PLBD1: variants seen among roughly 807,000 people sequenced by gnomAD.
PLBD1 encodes the protein phospholipase B domain containing 1, also known as lysosomal leucine aminopeptidase.
PLBD1 carries 60 observed loss-of-function variants against 63.0 expected under a neutral mutation model. That is an observed-to-expected ratio of 0.95 (90% CI 0.77 to 1.18). The LOEUF (loss-of-function observed/expected upper bound fraction) is 1.18. PLBD1 is among the 50% of genes most tolerant of loss of function. The probability of loss-of-function intolerance (pLI) is 0.00; values close to 1 mark genes in which losing one functional copy is unlikely to be tolerated. For synonymous variants in PLBD1, 262 were observed against 248.0 expected, an observed-to-expected ratio of 1.06 and a Z score of -0.53; for missense variants, 598 against 677.9, an observed-to-expected ratio of 0.88 and a Z score of 1.31.
chr12:14,516,882 T>C (rs1406624008), intron 6 of PLBD1, among the ~76,000 whole-genome samples: 2 of 151,846 alleles, frequency 1.3e-5, no homozygotes, highest in African/African-American at 4.8e-5. Flanking sequence ...CTACTAAAAA[T>C]ACAAAAATTA....
At position 14,536,801 on chromosome 12, in the gene PLBD1, C is replaced by T. The variant is rs1592002983; in HGVS notation, c.559-91G>A. On this transcript the variant is annotated intron_variant, in intron 4 of 10. Transcript: ENST00000240617. Reference sequence around the variant, plus strand: ...TGTTAGGGACCCATTAAATTATTCCCTTGCAGGCTGTGCATGGTGGCTCAC... The same window carrying T: ...TGTTAGGGACCCATTAAATTATTCCTTTGCAGGCTGTGCATGGTGGCTCAC... The T allele has an allele frequency of 1.3e-5, 20 of 1,513,264 alleles. No individual in the cohort carries two copies. The East Asian group carries it at 4.1e-4, about 31-fold the overall frequency. The allele number at this position is 1,513,264 out of a possible 1,614,324, so 93.7% of individuals were successfully genotyped here.
Position 14,553,224 on chromosome 12 carries a change from C to A in PLBD1, c.304G>T (p.Ala102Ser), listed in dbSNP as rs2136931195. The A allele has an allele frequency of 6.2e-7, 1 of 1,613,506 alleles. No individual in the cohort carries two copies. Among genetic ancestry groups the A allele is most frequent in the Non-Finnish European group, 8.5e-7 (1 of 1,179,850 alleles). ...GTGAGGTAACCCTCCAAAAAGCCAG[C>A]CACAAACATGATGATCTCATTGCTC... ...TLSNEIIMFV[A>S]GFLEGYLTAP... Residue 102 changes from alanine (A) to serine (S), a missense_variant, in exon 2 of 11, where the codon GCT becomes TCT. By Grantham distance (99) the Ala-to-Ser change is moderately conservative. Transcript: ENST00000240617.
At chr12:14,532,659 C>T (rs1231449175) in intron 6 of PLBD1, among the ~76,000 whole-genome samples, 6 of 152,300 alleles carry the variant, frequency 3.9e-5, no homozygotes, top group East Asian at 1.9e-4. Flanking sequence ...TGAACCCATG[C>T]GTGGGCAGGA....
chr12:14,566,814 T>C lies in PLBD1; in HGVS notation c.115+768A>G, dbSNP rs370402091. Among the ~76,000 whole-genome samples, 82 of 136,292 alleles carry C rather than the reference T, an allele frequency of 6.0e-4. 1 individual carries two copies. Among genetic ancestry groups the C allele is most frequent in the African/African-American group, 2.0e-3 (75 of 37,136 alleles). The allele number at this position is 136,292 out of a possible 152,430, so 89.4% of individuals were successfully genotyped here. Reference sequence around the variant, plus strand: ...TATATTAAAAAAAAAAAAAAAAAACTGCCGGGCGCGGTGGCTCATGCCTGT... The same window carrying C: ...TATATTAAAAAAAAAAAAAAAAAACCGCCGGGCGCGGTGGCTCATGCCTGT... On this transcript the variant is annotated intron_variant, in intron 1 of 10. Transcript: ENST00000240617.
At position 14,525,682 on chromosome 12, in the gene PLBD1, A is replaced by AACACACACAC. The variant is rs57722328; in HGVS notation, c.844+9967_844+9976dup. 4.8e-3 allele frequency among the ~76,000 whole-genome samples: 715 copies of AACACACACAC among 149,226 alleles called. 3 individuals carry two copies. The highest frequency in any genetic ancestry group is 0.017 in the African/African-American group (691 of 40,528). Reference sequence around the variant, plus strand: ...TAATATACTTAACAGCTTACTTCTCAACACACACACACACACACACACACA... The same window carrying AACACACACAC: ...TAATATACTTAACAGCTTACTTCTCAACACACACACACACACACACACACACACACACACA... On this transcript the variant is annotated intron_variant, in intron 6 of 10. Transcript: ENST00000240617.
chr12:14,543,873 C>A (rs568694456), intron 2 of PLBD1, among the ~76,000 whole-genome samples: 1 of 152,068 alleles, frequency 6.6e-6, no homozygotes, highest in Non-Finnish European at 1.5e-5. Context: ...GTTTAATAGA[C>A]GTCTTTGGGT....
intron 8 of PLBD1, 40 bp from the exon 9 acceptor site, chr12:14,507,158 G>GGGAA: frequency 2.1e-6 from 3 of 1,454,378 alleles, no homozygotes; most frequent in Non-Finnish European, 2.9e-6. Flanking sequence ...GGGATTGACA[G>GGGAA]GGAAGGAGAC....
intron 6 of PLBD1, among the ~76,000 whole-genome samples, chr12:14,523,929 A>G (rs1443680826): frequency 6.6e-6 from 1 of 152,212 alleles, no homozygotes; most frequent in East Asian, 1.9e-4. Context: ...AGATGAATGG[A>G]TAAAGAAAAT....
chr12:14,539,012 C>T (rs1010559186), intron 4 of PLBD1, among the ~76,000 whole-genome samples: 1 of 151,858 alleles, frequency 6.6e-6, no homozygotes, highest in African/African-American at 2.4e-5. Flanking sequence ...TATCGCGAGG[C>T]TCTGTCTCTA....
chr12:14,540,112 A>T (rs1235016191), intron 4 of PLBD1, among the ~76,000 whole-genome samples: 2 of 128,870 alleles, frequency 1.6e-5, no homozygotes, highest in African/African-American at 5.6e-5. Context: ...AATATTATTT[A>T]TATATATATA....
chr12:14,559,700 A>G (rs1325354378), intron 1 of PLBD1, among the ~76,000 whole-genome samples: 1 of 152,198 alleles, frequency 6.6e-6, no homozygotes, highest in Admixed American at 6.5e-5. Context: ...ATATCTGTTG[A>G]ATGAATGGGA....
chr12:14,542,294 GA>G lies in PLBD1; in HGVS notation c.336-4del. 1 of 1,580,980 alleles carries G rather than the reference GA, an allele frequency of 6.3e-7. No individual in the cohort carries two copies. Among genetic ancestry groups the G allele is most frequent in the Non-Finnish European group, 8.7e-7 (1 of 1,150,772 alleles). ...TTGTGTAGTGGTCATTCATGTGTCT[GA>G]AATGATACATGAAAATTATTACATT... On this transcript the variant is annotated splice_region_variant and splice_polypyrimidine_tract_variant and intron_variant, in intron 2 of 10. Transcript: ENST00000240617.
chr12:14,532,108 C>T (rs980752509), intron 6 of PLBD1, among the ~76,000 whole-genome samples: 3 of 152,192 alleles, frequency 2.0e-5, no homozygotes, highest in East Asian at 1.9e-4. Flanking sequence ...TCCTCACCCA[C>T]GGGCACCAGT....
intron 2 of PLBD1, among the ~76,000 whole-genome samples, chr12:14,552,142 G>A (rs1945664408): frequency 6.6e-6 from 1 of 152,130 alleles, no homozygotes; most frequent in Non-Finnish European, 1.5e-5. Flanking sequence ...GGCAGTAACA[G>A]CCCAAGTAAA....
In PLBD1 at chr12:14,540,756, A is replaced by C. The variant is rs1945565010; in HGVS notation, c.558+8T>G. The C allele has an allele frequency of 6.4e-7, 1 of 1,553,028 alleles. No individual in the cohort carries two copies. Among genetic ancestry groups the C allele is most frequent in the Non-Finnish European group, 8.7e-7 (1 of 1,144,144 alleles). On this transcript the variant is annotated splice_region_variant and intron_variant, in intron 4 of 10. Transcript: ENST00000240617. Reference sequence around the variant, plus strand: ...TATAAATTCTGAGAAGCTTGTTTAAAGTCCTACCTTTGTCCCTTCTAATAT... The same window carrying C: ...TATAAATTCTGAGAAGCTTGTTTAACGTCCTACCTTTGTCCCTTCTAATAT...
intron 8 of PLBD1, among the ~76,000 whole-genome samples, chr12:14,509,811 A>G (rs1945282711): frequency 6.6e-6 from 1 of 152,106 alleles, no homozygotes; most frequent in Admixed American, 6.5e-5. Context: ...GGAACTCCCA[A>G]TTTCTAAAAC....
intron 1 of PLBD1, among the ~76,000 whole-genome samples, chr12:14,566,081 C>CA (rs1565582976): frequency 1.3e-5 from 2 of 152,104 alleles, no homozygotes; most frequent in Admixed American, 1.3e-4. Context: ...CTCACTCGTC[C>CA]AAAAAAACAG....
intron 6 of PLBD1, among the ~76,000 whole-genome samples, chr12:14,517,290 C>G (rs1224841458): frequency 6.6e-6 from 1 of 152,080 alleles, no homozygotes; most frequent in Non-Finnish European, 1.5e-5. Flanking sequence ...GGGCTACAGG[C>G]ATGCACCACC....
chr12:14,562,409 G>A (rs1219001570), intron 1 of PLBD1, among the ~76,000 whole-genome samples: 1 of 136,400 alleles, frequency 7.3e-6, no homozygotes, highest in East Asian at 2.4e-4. Context: ...ACAGTGAGTT[G>A]AGATTGCAGC....
Sources: allele counts gnomAD v4.1 joint callset (sites outside exome capture counted in the v4.1 genomes callset), GRCh38; gene constraint gnomAD v4.1.1; transcripts MANE v1.5; gene names NCBI Gene and HGNC (gene_info 2026-07-23, HGNC 2026-07-21).